ZFHX3: variants seen among roughly 807,000 people sequenced by gnomAD.
ZFHX3 encodes the protein zinc finger homeobox 3.
A neutral mutation model predicts 279.1 loss-of-function variants in ZFHX3; 42 were observed. The ratio of observed to expected loss-of-function variants is 0.15; its 90% CI spans 0.12 to 0.19. The LOEUF (loss-of-function observed/expected upper bound fraction) is 0.19, where lower values mean the gene tolerates loss of function less well. Among genes scored for constraint, ZFHX3 ranks in the 10% least tolerant of loss-of-function variants. The pLI, the probability that ZFHX3 is intolerant of heterozygous loss-of-function variation, is 1.00. For synonymous variants in ZFHX3, 2,293 were observed against 1,957.8 expected, an observed-to-expected ratio of 1.17 and a Z score of -4.52; for missense variants, 4,981 against 4,754.0, an observed-to-expected ratio of 1.05 and a Z score of -1.40.
At chr16:73,686,139 A>T (rs1444966999) in intron 1 of ZFHX3, among the ~76,000 whole-genome samples, 1 of 152,186 alleles carries the variant, frequency 6.6e-6, no homozygotes, top group Non-Finnish European at 1.5e-5. Flanking sequence ...ACTGTTGCCC[A>T]GGCTGGAGTG....
chr16:72,921,674 A>G (rs1057513713), intron 3 of ZFHX3, among the ~76,000 whole-genome samples: 11 of 152,300 alleles, frequency 7.2e-5, no homozygotes, highest in African/African-American at 2.6e-4. Flanking sequence ...CTGCATGTAC[A>G]GAAGGGGATC....
intron 1 of ZFHX3, among the ~76,000 whole-genome samples, chr16:73,822,179 G>A (rs549504332): frequency 9.2e-5 from 14 of 152,284 alleles, no homozygotes; most frequent in African/African-American, 3.4e-4. Flanking sequence ...TCCTTCCTGT[G>A]TGTGGCCTTC....
At chr16:73,561,915 T>C (rs1488150740) in intron 2 of ZFHX3, among the ~76,000 whole-genome samples, 1 of 152,206 alleles carries the variant, frequency 6.6e-6, no homozygotes, top group East Asian at 1.9e-4. Flanking sequence ...AGTTTTGCAT[T>C]TCAACTTTGA....
intron 4 of ZFHX3, among the ~76,000 whole-genome samples, chr16:73,286,238 A>G (rs2014593634): frequency 1.3e-5 from 2 of 152,240 alleles, no homozygotes; most frequent in East Asian, 3.9e-4. Flanking sequence ...AAATAATAAA[A>G]ACAGTAATGG....
intron 3 of ZFHX3, among the ~76,000 whole-genome samples, chr16:72,940,091 T>C (rs1254402010): frequency 6.6e-6 from 1 of 152,088 alleles, no homozygotes; most frequent in African/African-American, 2.4e-5. Context: ...TTAAATTTTT[T>C]TATAGAGACA....
chr16:73,713,929 G>C (rs1055627268), intron 1 of ZFHX3, among the ~76,000 whole-genome samples: 1 of 152,174 alleles, frequency 6.6e-6, no homozygotes, highest in African/African-American at 2.4e-5. Context: ...TCACAGCCTT[G>C]TTTAGAAGGC....
At chr16:73,536,992 A>T (rs751985507) in intron 2 of ZFHX3, among the ~76,000 whole-genome samples, 22 of 152,310 alleles carry the variant, frequency 1.4e-4, no homozygotes, top group Non-Finnish European at 2.9e-4. Flanking sequence ...CTACCTTTCA[A>T]CTTCATGTTA....
intron 1 of ZFHX3, among the ~76,000 whole-genome samples, chr16:73,882,922 G>C (rs1018997300): frequency 6.6e-6 from 1 of 152,012 alleles, no homozygotes; most frequent in African/African-American, 2.4e-5. Context: ...TTGTTCCCTT[G>C]ATGCAAACAT....
chr16:73,753,576 G>A (rs1341504842), intron 1 of ZFHX3, among the ~76,000 whole-genome samples: 1 of 152,164 alleles, frequency 6.6e-6, no homozygotes, highest in East Asian at 1.9e-4. Context: ...TGCTGGCTCT[G>A]GGAACACTGC....
chr16:73,256,867 T>C (rs34254190), intron 5 of ZFHX3, among the ~76,000 whole-genome samples: 44,963 of 151,898 alleles, frequency 0.3, 7,472 homozygotes, highest in Non-Finnish European at 0.39. Context: ...TGTACACAAG[T>C]AAGTAGGAAC....
chr16:73,848,441 A>C (rs1294506024), intron 1 of ZFHX3, among the ~76,000 whole-genome samples: 1 of 152,202 alleles, frequency 6.6e-6, no homozygotes, highest in East Asian at 1.9e-4. Context: ...TGCTTCCCAC[A>C]GCCTGGCCCA....
At position 73,713,641 on chromosome 16, in the gene ZFHX3, T is replaced by TA. The variant is rs1567559182; in HGVS notation, c.-1607-33402_-1607-33401insT. ...AAAAGATATTAGCTTTTTTTTTTTT[T>TA]TTATACTCTAGTAAATTTGCTTTTT... is the stretch of plus-strand genomic sequence containing the variant. On this transcript the variant is annotated intron_variant, in intron 1 of 17. Transcript: ENST00000641206. Among the ~76,000 whole-genome samples the TA allele has an allele frequency of 3.2e-3, 486 of 151,890 alleles. 4 individuals are homozygous for TA. Among genetic ancestry groups the TA allele is most frequent in the African/African-American group, 0.011 (458 of 41,464 alleles).
intron 3 of ZFHX3, among the ~76,000 whole-genome samples, chr16:73,455,719 T>G (rs780650432): frequency 7.9e-6 from 1 of 127,354 alleles, no homozygotes; most frequent in African/African-American, 2.9e-5. Context: ...CTTCCTTTTT[T>G]TAAAATATTG....
intron 3 of ZFHX3, among the ~76,000 whole-genome samples, chr16:73,379,877 C>A (rs148132754): frequency 6.6e-6 from 1 of 152,100 alleles, no homozygotes; most frequent in Non-Finnish European, 1.5e-5. Context: ...TACTTCTGAC[C>A]GAAGGCAGCA....
At chr16:72,927,320 A>G (rs1022788841) in intron 3 of ZFHX3, among the ~76,000 whole-genome samples, 21 of 151,874 alleles carry the variant, frequency 1.4e-4, no homozygotes, top group Non-Finnish European at 4.4e-5. Context: ...TTCTCTCTCA[A>G]TTTCTCAATA....
At position 73,548,299 on chromosome 16, in the gene ZFHX3, G is replaced by A. The variant is rs111360519; in HGVS notation, c.-1546-92041C>T. On this transcript the variant is annotated intron_variant, in intron 2 of 17. Coordinates refer to the ZFHX3 transcript ENST00000641206. ...ACGGCTGTGATATTCCTTTGAAGAC[G>A]AGCATTGGACCTAATAAACCGAACA... 3.9e-5 allele frequency among the ~76,000 whole-genome samples: 6 copies of A among 152,228 alleles called. 1 individual carries two copies. Among genetic ancestry groups the A allele is most frequent in the East Asian group, 1.9e-4 (1 of 5,184 alleles).
intron 3 of ZFHX3, among the ~76,000 whole-genome samples, chr16:73,425,730 T>C (rs918664): frequency 0.15 from 22,932 of 152,116 alleles, 2,345 homozygotes; most frequent in Middle Eastern, 0.28. Flanking sequence ...GGGCAGATCA[T>C]AGAGATCCTG....
intron 5 of ZFHX3, among the ~76,000 whole-genome samples, chr16:73,169,903 T>C (rs1967480586): frequency 6.6e-6 from 1 of 152,208 alleles, no homozygotes; most frequent in African/African-American, 2.4e-5. Context: ...ACCCCTGTTG[T>C]AGGTTCTCTC....
intron 2 of ZFHX3, among the ~76,000 whole-genome samples, chr16:73,468,680 T>C (rs1051711180): frequency 2.0e-5 from 3 of 152,162 alleles, no homozygotes; most frequent in African/African-American, 7.2e-5. Context: ...GACATTGCAG[T>C]GAGCCGAGAT....
Sources: allele counts gnomAD v4.1 joint callset (sites outside exome capture counted in the v4.1 genomes callset), GRCh38; gene constraint gnomAD v4.1.1; transcripts MANE v1.5; gene names NCBI Gene and HGNC (gene_info 2026-07-23, HGNC 2026-07-21).